Variants in IGF2BP1 observed in about 807,000 individuals in gnomAD.
The protein encoded by IGF2BP1 is insulin like growth factor 2 mRNA binding protein 1.
IGF2BP1 carries 11 observed loss-of-function variants against 74.9 expected under a neutral mutation model. The ratio of observed to expected loss-of-function variants is 0.15; its 90% CI spans 0.09 to 0.24. IGF2BP1 has a LOEUF of 0.24. IGF2BP1 is among the 10% of genes least tolerant of loss of function. The probability of loss-of-function intolerance (pLI) is 1.00; values close to 1 mark genes in which losing one functional copy is unlikely to be tolerated. For missense variants in IGF2BP1, 440 were observed against 757.4 expected (o/e 0.58, Z 4.92); for synonymous variants, 287 against 281.8 (o/e 1.02, Z -0.18).
intron 5 of IGF2BP1, among the ~76,000 whole-genome samples, chr17:49,033,612 G>A (rs1477031059): frequency 6.6e-6 from 1 of 151,974 alleles, no homozygotes; most frequent in Non-Finnish European, 1.5e-5. Context: ...CAGAGTGCTG[G>A]GATTACAGGA....
At chr17:48,999,319 A>AT in intron 2 of IGF2BP1, 150 bp downstream of exon 2, 1 of 610,074 alleles carries the variant, frequency 1.6e-6, no homozygotes, top group Non-Finnish European at 3.0e-6. Context: ...GGGAGGGAAG[A>AT]TTGGCCAAGA....
At chr17:49,038,568 T>C (rs4793606) in intron 6 of IGF2BP1, 119 bp downstream of exon 6, 3 of 1,102,598 alleles carry the variant, frequency 2.7e-6, no homozygotes, top group East Asian at 6.2e-5. Flanking sequence ...AAATGTTGCC[T>C]GGAGCATTCA....
chr17:49,019,938 A>ATATT (rs1555597793), intron 2 of IGF2BP1, among the ~76,000 whole-genome samples: 8 of 57,392 alleles, frequency 1.4e-4, no homozygotes, highest in East Asian at 9.9e-4. Context: ...ATATATATAT[A>ATATT]TATATATATA....
At chr17:49,000,136 C>T (rs919026467) in intron 2 of IGF2BP1, among the ~76,000 whole-genome samples, 1 of 152,078 alleles carries the variant, frequency 6.6e-6, no homozygotes, top group Non-Finnish European at 1.5e-5. Flanking sequence ...TCAAATCAGA[C>T]TTTAAACATG....
chr17:49,032,142 C>T (rs904033365), intron 5 of IGF2BP1, among the ~76,000 whole-genome samples, 169 bp downstream of exon 5: 1 of 152,106 alleles, frequency 6.6e-6, no homozygotes, highest in African/African-American at 2.4e-5. Flanking sequence ...AAGGTTTCTT[C>T]AGGGGGTCTC....
Position 49,054,931 on chromosome 17 carries a change from T to A in IGF2BP1, c.*5487T>A, listed in dbSNP as rs2144187679. ...CAGGCCGTCTTTGTAGTTGGGGGAG[T>A]TCCACTGGGCGATCCCAGCCCCTCC... On this transcript the variant is annotated 3_prime_UTR_variant, in exon 15 of 15. Coordinates refer to ENST00000290341, the MANE Select transcript of IGF2BP1 (RefSeq NM_006546.4). The A allele has an allele frequency of 6.6e-6, 1 of 152,476 alleles. No homozygotes were observed. Among genetic ancestry groups the A allele is most frequent in the African/African-American group, 2.4e-5 (1 of 41,472 alleles). 9.4% of individuals were successfully genotyped at this position (152,476 alleles called of 1,614,324 possible). A position where few individuals can be genotyped will look rare whatever the true frequency, so the allele number is the denominator to read the frequency against.
At chr17:49,004,076 C>T (rs2041517958) in intron 2 of IGF2BP1, among the ~76,000 whole-genome samples, 1 of 152,124 alleles carries the variant, frequency 6.6e-6, no homozygotes, top group Admixed American at 6.6e-5. Flanking sequence ...GCCCCCGCGC[C>T]AGTCCCAGCC....
chr17:49,037,046 A>G (rs1224803535), intron 5 of IGF2BP1: 1 of 226,670 alleles, frequency 4.4e-6, no homozygotes, highest in Non-Finnish European at 9.3e-6. Context: ...TTCAGTTGTG[A>G]ATTATGAAAT....
At chr17:49,044,937 T>C (rs2042093399) in intron 11 of IGF2BP1, 54 bp from the exon 12 acceptor site, 1 of 1,444,830 alleles carries the variant, frequency 6.9e-7, no homozygotes, top group Non-Finnish European at 9.7e-7. Context: ...GAAGTGGACA[T>C]GGTGGGGGTC....
At chr17:49,043,823 A>C (rs1025624330) in intron 10 of IGF2BP1, 144 bp from the exon 11 acceptor site, 1 of 1,176,628 alleles carries the variant, frequency 8.5e-7, no homozygotes, top group Non-Finnish European at 1.2e-6. Context: ...GAAGAGCTAA[A>C]GAGCTCACAG....
In IGF2BP1 at chr17:49,045,885, C is replaced by T; in HGVS notation, c.1396-5C>T. On this transcript the variant is annotated splice_polypyrimidine_tract_variant and splice_region_variant and intron_variant, in intron 12 of 14. Coordinates refer to ENST00000290341, the MANE Select transcript of IGF2BP1 (RefSeq NM_006546.4). ...CACTGATTAACAATTACCTCCTCTTCTCAGGCTCAGGGAAGAATCTATGGC... is the reference window on the plus strand; with the variant it reads ...CACTGATTAACAATTACCTCCTCTTTTCAGGCTCAGGGAAGAATCTATGGC... 6.2e-7 allele frequency: 1 copy of T among 1,613,302 alleles called. No individual in the cohort carries two copies. The highest frequency in any genetic ancestry group is 8.5e-7 in the Non-Finnish European group (1 of 1,179,608).
At chr17:49,041,557 C>A in intron 8 of IGF2BP1, 57 bp downstream of exon 8, 1 of 1,605,332 alleles carries the variant, frequency 6.2e-7, no homozygotes, top group South Asian at 1.1e-5. Flanking sequence ...GGGCCAGGGT[C>A]AGTATTTCAT....
intron 4 of IGF2BP1, among the ~76,000 whole-genome samples, chr17:49,029,048 G>A (rs564901007): frequency 3.3e-5 from 5 of 152,074 alleles, no homozygotes; most frequent in East Asian, 1.9e-4. Context: ...CTTGTGATCC[G>A]CCCACCTCGG....
intron 2 of IGF2BP1, among the ~76,000 whole-genome samples, chr17:49,003,240 C>T (rs185854277): frequency 6.6e-6 from 1 of 152,206 alleles, no homozygotes; most frequent in East Asian, 1.9e-4. Flanking sequence ...TTTAAAATTA[C>T]CTTAATATGT....
rs1371823883 is a variant in IGF2BP1, at chr17:49,051,407, GAGAGCCCAGAGGGGC to G, written c.*1975_*1989del. ...GCTAAGAGGGAAGGCCCAGGTTTGAGAGAGCCCAGAGGGGCAGAGCCCAGAGCCTTGTTTGGCCCT... is the reference window on the plus strand; with the variant it reads ...GCTAAGAGGGAAGGCCCAGGTTTGAGAGAGCCCAGAGCCTTGTTTGGCCCT... On this transcript the variant is annotated 3_prime_UTR_variant, in exon 15 of 15. Coordinates refer to ENST00000290341, the MANE Select transcript of IGF2BP1 (RefSeq NM_006546.4). 2.6e-5 allele frequency: 4 copies of G among 152,756 alleles called. No individual in the cohort carries two copies. The East Asian group carries it at 7.7e-4, about 29-fold the overall frequency. 9.5% of individuals were successfully genotyped at this position (152,756 alleles called of 1,614,324 possible).
intron 2 of IGF2BP1, 73 bp downstream of exon 2, chr17:48,999,242 A>C: frequency 1.1e-6 from 1 of 905,236 alleles, no homozygotes; most frequent in East Asian, 2.4e-5. Context: ...TCAGGGGTCC[A>C]TAGCGTCTCC....
intron 2 of IGF2BP1, among the ~76,000 whole-genome samples, chr17:49,011,386 A>T (rs2041617974): frequency 6.6e-6 from 1 of 152,102 alleles, no homozygotes; most frequent in Non-Finnish European, 1.5e-5. Flanking sequence ...CTACAATTAT[A>T]GGAGCATTTA....
intron 2 of IGF2BP1, among the ~76,000 whole-genome samples, chr17:49,018,670 A>T (rs1226755657): frequency 6.6e-6 from 1 of 152,078 alleles, no homozygotes. Context: ...AAAAAAAAAA[A>T]AGTTAAGAAC....
intron 2 of IGF2BP1, among the ~76,000 whole-genome samples, chr17:49,023,293 A>C (rs1489600752): frequency 1.3e-5 from 2 of 152,242 alleles, no homozygotes; most frequent in Non-Finnish European, 1.5e-5. Context: ...AAACCAAAGA[A>C]GACAGCCAAA....
Sources: allele counts gnomAD v4.1 joint callset (sites outside exome capture counted in the v4.1 genomes callset), GRCh38; gene constraint gnomAD v4.1.1; transcripts MANE v1.5; gene names NCBI Gene and HGNC (gene_info 2026-07-23, HGNC 2026-07-21).